The following EVPLL variants were observed in gnomAD, a reference collection of about 807,000 sequenced individuals.
EVPLL encodes envoplakin-like protein.
Under a neutral mutation model 46.2 loss-of-function variants are expected in EVPLL, and 39 were observed. The observed-to-expected ratio is 0.84, with a 90% CI of 0.65 to 1.10. The LOEUF is 1.10. Ranked by LOEUF, EVPLL falls within the 50% of genes least tolerant of loss-of-function variation. EVPLL has a pLI of 0.00. For missense variants in EVPLL, 385 were observed against 412.6 expected (o/e 0.93, Z 0.58); for synonymous variants, 156 against 165.8 (o/e 0.94, Z 0.46).
chr17:18,379,072 C>T (rs1196378656), intron 1 of EVPLL, among the ~76,000 whole-genome samples: 6 of 152,148 alleles, frequency 3.9e-5, no homozygotes, highest in Admixed American at 3.3e-4. Context: ...AGAGCAAGAC[C>T]CTGTCTGTTA....
rs764115086 is a variant in EVPLL at position 18,383,511 on chromosome 17, A to G, written c.800A>G (p.Lys267Arg). 16 of 1,583,428 alleles carry G rather than the reference A, an allele frequency of 1.0e-5. No homozygotes were observed. The highest frequency in any genetic ancestry group is 2.3e-5 in the East Asian group (1 of 43,660). Reference protein sequence around the residue: ...GPIQAHQEALKMEWQNFLNLC... With the variant: ...GPIQAHQEALRMEWQNFLNLC... ...ACCCAGGCCCACCAGGAGGCCCTGA[A>G]GATGGAGTGGCAGAACTTCCTGAAC... The change falls in exon 9 of 11, where the codon AAG (lysine) becomes AGG (arginine). Residue 267 changes from lysine (K) to arginine (R), a missense_variant. Lys to Arg is a conservative substitution (Grantham distance 26, BLOSUM62 2). Transcript: ENST00000399134.
chr17:18,383,845 C>T (rs1166776806), intron 9 of EVPLL: 19 of 433,188 alleles, frequency 4.4e-5, no homozygotes, highest in African/African-American at 1.2e-4. Flanking sequence ...TGGTGGCACG[C>T]GCCTGTAATC....
chr17:18,380,755 C>G, intron 1 of EVPLL, 147 bp from the exon 2 acceptor site: 2 of 673,924 alleles, frequency 3.0e-6, no homozygotes, highest in Admixed American at 5.3e-5. Context: ...CTCACAGAGC[C>G]TCCTGCAGAG....
rs1373625535 is a variant in EVPLL, at chr17:18,388,840, C to A, written c.*41-17C>A. 4.0e-5 allele frequency: 6 copies of A among 151,064 alleles called. No individual in the cohort carries two copies. The highest frequency in any genetic ancestry group is 7.4e-5 in the Non-Finnish European group (5 of 67,734). 9.4% of individuals were successfully genotyped at this position (151,064 alleles called of 1,614,324 possible). On this transcript the variant is annotated splice_polypyrimidine_tract_variant and intron_variant, in intron 10 of 10. Coordinates refer to ENST00000399134, the MANE Select transcript of EVPLL (RefSeq NM_001145127.2). ...AGACACAGAAAACCTGCTCAGTGAC[C>A]CTTTCTCCTTTTTCAGCTCTTGCCG...
rs866270403 is a variant in EVPLL at position 18,385,327 on chromosome 17, G to A, written c.876+1740G>A. ...CCACTGAACGCTGCCCCCTCGGTTCGGGAGGACCAGTGGTGCCCCCATCTC... is the reference window on the plus strand; with the variant it reads ...CCACTGAACGCTGCCCCCTCGGTTCAGGAGGACCAGTGGTGCCCCCATCTC... On this transcript the variant is annotated intron_variant, in intron 9 of 10. Coordinates refer to ENST00000399134, the MANE Select transcript of EVPLL (RefSeq NM_001145127.2). Among the ~76,000 whole-genome samples the A allele has an allele frequency of 3.3e-5, 3 of 90,852 alleles. 1 individual carries two copies. The highest frequency in any genetic ancestry group is 9.7e-5 in the African/African-American group (2 of 20,534). The allele number at this position is 90,852 out of a possible 152,430, so 59.6% of individuals were successfully genotyped here.
At position 18,382,547 on chromosome 17, in the gene EVPLL, T is replaced by C. The variant is rs1216913510; in HGVS notation, c.381T>C (p.His127=). 1 of 1,551,662 alleles carries C rather than the reference T, an allele frequency of 6.4e-7. No homozygotes were observed. Among genetic ancestry groups the C allele is most frequent in the East Asian group, 2.4e-5 (1 of 40,908 alleles). The stretch of plus-strand genomic sequence containing the variant: ...TGCGCAGGCCAGTATGGGCCGGGCA[T>C]GGCGGAGCTGGAGGAACAGATCGCG... ...AGLRRPVWAG[H]GGAGGTDRGA... The change falls in exon 5 of 11, where the codon CAT becomes CAC. Residue 127 remains histidine, a synonymous_variant. Coordinates refer to ENST00000399134, the MANE Select transcript of EVPLL (RefSeq NM_001145127.2).
Position 18,381,813 on chromosome 17 carries a change from AAC to A in EVPLL, c.346+85_346+86del, listed in dbSNP as rs1321158435. The A allele has an allele frequency of 5.0e-6, 8 of 1,597,616 alleles. No individual in the cohort carries two copies. The highest frequency in any genetic ancestry group is 1.7e-5 in the Admixed American group (1 of 59,726). Reference sequence around the variant, plus strand: ...AACCCAGGGCCTGACTGTAGGCTTGAACAGTCAGTGTATAGTGGTGTCTCAGG... The same window carrying A: ...AACCCAGGGCCTGACTGTAGGCTTGAAGTCAGTGTATAGTGGTGTCTCAGG... On this transcript the variant is annotated intron_variant, in intron 4 of 10. Transcript: ENST00000399134. This position sits in a 1 kb window ranked among gnomAD's most constrained non-coding sequence, Gnocchi z 4.2.
Position 18,383,266 on chromosome 17 carries a change from C to A in EVPLL, c.673-5C>A. The A allele has an allele frequency of 1.3e-6, 2 of 1,579,326 alleles. No individual in the cohort carries two copies. Among genetic ancestry groups the A allele is most frequent in the South Asian group, 1.2e-5 (1 of 86,506 alleles). On this transcript the variant is annotated splice_polypyrimidine_tract_variant and splice_region_variant and intron_variant, in intron 7 of 10. Transcript: ENST00000399134. ...ACCGCCGCTCCCCACCCGACTCGCC[C>A]CCAGCACTTCAAGCAGCACGAGCTG...
In EVPLL at chr17:18,381,420, C is replaced by T. The variant is rs1350421965; in HGVS notation, c.117C>T (p.Gly39=). ...SQALQHQQET[G]SSLKEAEVLL... ...CCCTGCAGCACCAGCAGGAGACGGG[C>T]AGCAGCCTGAAGGAGGCCGAGGTGC... The change falls in exon 3 of 11, where the codon GGC becomes GGT. Residue 39 remains glycine, a synonymous_variant. Transcript: ENST00000399134. The surrounding 1 kb of genome is among the most constrained non-coding windows in gnomAD (Gnocchi z 4.2). The T allele has an allele frequency of 3.1e-6, 5 of 1,607,778 alleles. No homozygotes were observed.
chr17:18,381,873 G>C lies in EVPLL; in HGVS notation c.346+143G>C, dbSNP rs1469298010. 11 of 1,344,346 alleles carry C rather than the reference G, an allele frequency of 8.2e-6. No individual in the cohort carries two copies. Among genetic ancestry groups the C allele is most frequent in the Admixed American group, 6.0e-5 (3 of 50,204 alleles). The allele number at this position is 1,344,346 out of a possible 1,614,324, so 83.3% of individuals were successfully genotyped here. On this transcript the variant is annotated intron_variant, in intron 4 of 10. Transcript: ENST00000399134. The surrounding 1 kb of genome is among the most constrained non-coding windows in gnomAD (Gnocchi z 4.2). ...GCAGGGAGACAGCAGAGGAGACAGT[G>C]CAGTCAGGGAAGACTTCCTGTAGGA...
At chr17:18,385,163 C>T (rs572916498) in intron 9 of EVPLL, among the ~76,000 whole-genome samples, 2 of 147,052 alleles carry the variant, frequency 1.4e-5, no homozygotes, top group East Asian at 3.9e-4. Context: ...CAATAAAGCC[C>T]TCGTGCCTGC....
intron 7 of EVPLL, 25 bp from the exon 8 acceptor site, chr17:18,383,246 C>T: frequency 1.9e-6 from 3 of 1,559,456 alleles, no homozygotes; most frequent in South Asian, 1.2e-5. Context: ...TCCTCACCGC[C>T]GCTCCCCACC....
At position 18,383,174 on chromosome 17, in the gene EVPLL, C is replaced by T. The variant is rs1288398650; in HGVS notation, c.661C>T (p.Arg221Trp). 2.6e-6 allele frequency: 4 copies of T among 1,548,408 alleles called. No homozygotes were observed. Among genetic ancestry groups the T allele is most frequent in the East Asian group, 2.4e-5 (1 of 41,448 alleles). Residue 221 changes from arginine (R) to tryptophan (W), a missense_variant, in exon 7 of 11, where the codon CGG (arginine) becomes TGG (tryptophan). Arg to Trp is a moderately radical substitution (Grantham distance 101). Transcript: ENST00000399134. ...DLMADPAGVR[R>W]EYEHFKQHEL... ...CATGGCCGACCCTGCGGGCGTGCGG[C>T]GGGAATACGAGGTCGGCTGGCAGAG...
rs1439229119 is a variant in EVPLL, at chr17:18,380,632, G to A, written c.-36-270G>A. The A allele has an allele frequency of 9.2e-6, 3 of 327,490 alleles. No homozygotes were observed. In the East Asian group the frequency reaches 1.6e-4, roughly 17 times the overall value. 20.3% of individuals were successfully genotyped at this position (327,490 alleles called of 1,614,324 possible). A position where few individuals can be genotyped will look rare whatever the true frequency, so the allele number is the denominator to read the frequency against. ...CGGGAACTCACTGCCAGCACAGCTG[G>A]CTGAGGCTGGGACACCGAGGCCGCC... On this transcript the variant is annotated intron_variant, in intron 1 of 10. Transcript: ENST00000399134.
At position 18,380,965 on chromosome 17, in the gene EVPLL, C is replaced by T. The variant is rs1421998735; in HGVS notation, c.28C>T (p.Arg10Trp). The T allele has an allele frequency of 3.1e-6, 5 of 1,597,166 alleles. No individual in the cohort carries two copies. Among genetic ancestry groups the T allele is most frequent in the Middle Eastern group, 1.7e-4 (1 of 6,050 alleles). MQASADQVERDILETQKRLQ... is the reference protein window; with the variant it reads MQASADQVEWDILETQKRLQ... ...GCAAGCCAGCGCCGACCAGGTGGAG[C>T]GGGACATCCTGGAGACGCAGAAGAG... is the stretch of plus-strand genomic sequence containing the variant. The change falls in exon 2 of 11, where the codon CGG (arginine) becomes TGG (tryptophan). Residue 10 changes from arginine (R) to tryptophan (W), a missense_variant. By Grantham distance (101) the Arg-to-Trp change is moderately radical. Transcript: ENST00000399134.
intron 9 of EVPLL, among the ~76,000 whole-genome samples, chr17:18,385,449 G>C (rs1466611523): frequency 1.6e-5 from 2 of 127,728 alleles, no homozygotes; most frequent in Non-Finnish European, 3.4e-5. Context: ...AGAAGAAAGA[G>C]ACCAAAGAAT....
chr17:18,383,405 G>T (rs1193124045), intron 8 of EVPLL, 27 bp downstream of exon 8: 20 of 1,110,950 alleles, frequency 1.8e-5, no homozygotes, highest in Non-Finnish European at 2.4e-5. Flanking sequence ...GCGAGAGTGA[G>T]AAGGGACGTG....
At position 18,382,345 on chromosome 17, in the gene EVPLL, C is replaced by G. The variant is rs1987606188; in HGVS notation, c.347-168C>G. 1.1e-5 allele frequency: 9 copies of G among 822,302 alleles called. No individual in the cohort carries two copies. The Admixed American group carries it at 2.6e-4, about 24-fold the overall frequency. 50.9% of individuals were successfully genotyped at this position (822,302 alleles called of 1,614,324 possible). On this transcript the variant is annotated intron_variant, in intron 4 of 10. Coordinates refer to ENST00000399134, the MANE Select transcript of EVPLL (RefSeq NM_001145127.2). Reference sequence around the variant, plus strand: ...CCTCTGCAGTGGCCACCCTGCAGAGCAGAATGGCTCACCCTGGGTGAGCTG... The same window carrying G: ...CCTCTGCAGTGGCCACCCTGCAGAGGAGAATGGCTCACCCTGGGTGAGCTG...
Position 18,381,344 on chromosome 17 carries a change from G to C in EVPLL, c.64-23G>C. On this transcript the variant is annotated intron_variant, in intron 2 of 10. Coordinates refer to ENST00000399134, the MANE Select transcript of EVPLL (RefSeq NM_001145127.2). This position sits in a 1 kb window ranked among gnomAD's most constrained non-coding sequence, Gnocchi z 4.2. The stretch of plus-strand genomic sequence containing the variant: ...GTGTGGGGGCTCTGGACCCTGGCAA[G>C]TCTGCCCATCCCCTGCCCACAGGAC... The C allele has an allele frequency of 6.5e-7, 1 of 1,532,206 alleles. No individual in the cohort carries two copies. Among genetic ancestry groups the C allele is most frequent in the South Asian group, 1.2e-5 (1 of 82,872 alleles). 94.9% of individuals were successfully genotyped at this position (1,532,206 alleles called of 1,614,324 possible). A position where few individuals can be genotyped will look rare whatever the true frequency, so the allele number is the denominator to read the frequency against.
Sources: allele counts gnomAD v4.1 joint callset (sites outside exome capture counted in the v4.1 genomes callset), GRCh38; gene constraint gnomAD v4.1.1; non-coding constraint Gnocchi (gnomAD v3.1); transcripts MANE v1.5; gene names NCBI Gene and HGNC (gene_info 2026-07-23, HGNC 2026-07-21).